FER: variants seen among roughly 807,000 people sequenced by gnomAD.
The protein encoded by FER is tyrosine-protein kinase Fer.
FER carries 63 observed loss-of-function variants against 111.0 expected under a neutral mutation model. That is an observed-to-expected ratio of 0.57 (90% CI 0.46 to 0.70). The LOEUF is 0.70. Ranked by LOEUF, FER falls within the 30% of genes least tolerant of loss-of-function variation. FER has a pLI of 0.00. For synonymous variants in FER, 327 were observed against 313.9 expected (o/e 1.04, Z -0.44); for missense variants, 914 against 954.0 (o/e 0.96, Z 0.55).
At chr5:109,067,701 A>G (rs188611400) in intron 16 of FER, among the ~76,000 whole-genome samples, 2 of 151,938 alleles carry the variant, frequency 1.3e-5, no homozygotes, top group Non-Finnish European at 2.9e-5. Flanking sequence ...TACATCTATG[A>G]TTTCTTTCTT....
Position 108,930,720 on chromosome 5 carries a change from T to A in FER, c.1237-15410T>A, listed in dbSNP as rs1034185043. Among the ~76,000 whole-genome samples the A allele has an allele frequency of 6.1e-5, 9 of 148,356 alleles. No homozygotes were observed. In the East Asian group the frequency reaches 1.6e-3, roughly 27 times the overall value. ...CCTCTGTCTCCTGAGTTCAAATGAT[T>A]CTCCTGCCTTAGCTTTCTGAGTAGC... is the stretch of plus-strand genomic sequence containing the variant. On this transcript the variant is annotated intron_variant, in intron 10 of 19. Transcript: ENST00000281092.
chr5:109,127,297 G>T (rs1343922394), intron 17 of FER, among the ~76,000 whole-genome samples: 2 of 152,160 alleles, frequency 1.3e-5, no homozygotes, highest in Non-Finnish European at 1.5e-5. Context: ...AAAGAGTTCA[G>T]AGTGTGTCTC....
Position 109,174,698 on chromosome 5 carries a change from G to A in FER, c.2049-6049G>A, listed in dbSNP as rs547495810. 2.0e-5 allele frequency among the ~76,000 whole-genome samples: 3 copies of A among 152,268 alleles called. No homozygotes were observed. The East Asian group carries it at 5.8e-4, about 29-fold the overall frequency. On this transcript the variant is annotated intron_variant, in intron 17 of 19. Transcript: ENST00000281092. ...AGGTTGTTTTGTTGTTTTTTAGGGGGCAGGGAGGGAGTCTGAAGTGTCACT... is the reference window on the plus strand; with the variant it reads ...AGGTTGTTTTGTTGTTTTTTAGGGGACAGGGAGGGAGTCTGAAGTGTCACT...
intron 16 of FER, among the ~76,000 whole-genome samples, chr5:109,088,829 C>T (rs1307972902): frequency 6.6e-6 from 1 of 151,972 alleles, no homozygotes; most frequent in Non-Finnish European, 1.5e-5. Context: ...ATTCATATAA[C>T]CCCAGATGGA....
intron 3 of FER, among the ~76,000 whole-genome samples, chr5:108,819,316 C>T (rs1166527599): frequency 2.6e-5 from 4 of 152,038 alleles, no homozygotes; most frequent in African/African-American, 9.7e-5. Context: ...GCATGTCCCA[C>T]TGCACCTGGC....
At chr5:109,081,314 G>A (rs1205675088) in intron 16 of FER, among the ~76,000 whole-genome samples, 1 of 152,020 alleles carries the variant, frequency 6.6e-6, no homozygotes, top group African/African-American at 2.4e-5. Flanking sequence ...TCTCTTTCCT[G>A]AAGTACTTGT....
chr5:108,885,138 C>T (rs1055900571), intron 9 of FER, among the ~76,000 whole-genome samples: 2 of 151,908 alleles, frequency 1.3e-5, no homozygotes, highest in Non-Finnish European at 2.9e-5. Flanking sequence ...CCATTTATTA[C>T]TCTCTCTCAG....
At chr5:109,153,624 T>A (rs1402026973) in intron 17 of FER, among the ~76,000 whole-genome samples, 3 of 151,926 alleles carry the variant, frequency 2.0e-5, no homozygotes, top group Non-Finnish European at 4.4e-5. Flanking sequence ...ACAGTAGTTA[T>A]CAACATTTAT....
intron 13 of FER, among the ~76,000 whole-genome samples, chr5:108,970,016 C>T: frequency 6.8e-6 from 1 of 147,624 alleles, no homozygotes; most frequent in East Asian, 1.9e-4. Flanking sequence ...TTTTGTAGAA[C>T]ACTATAGAGC....
chr5:108,964,163 A>G lies in FER; in HGVS notation c.1656+4816A>G, dbSNP rs563693567. ...ATTTACTTAGTACTCACTCTGTGCTATGTTCTTTATTATGTTAGAGCGAAT... is the reference window on the plus strand; with the variant it reads ...ATTTACTTAGTACTCACTCTGTGCTGTGTTCTTTATTATGTTAGAGCGAAT... On this transcript the variant is annotated intron_variant, in intron 13 of 19. Coordinates refer to ENST00000281092, the MANE Select transcript of FER (RefSeq NM_005246.4). Among the ~76,000 whole-genome samples the G allele has an allele frequency of 6.6e-5, 10 of 152,280 alleles. No homozygotes were observed. The East Asian group carries it at 1.4e-3, about 21-fold the overall frequency.
intron 10 of FER, among the ~76,000 whole-genome samples, chr5:108,937,126 G>A (rs550637066): frequency 1.1e-4 from 16 of 152,008 alleles, no homozygotes; most frequent in African/African-American, 3.9e-4. Context: ...AATAGCTCCT[G>A]TCTTGCTTAA....
chr5:108,810,253 A>G (rs1418794390), intron 3 of FER, among the ~76,000 whole-genome samples: 1 of 152,128 alleles, frequency 6.6e-6, no homozygotes, highest in Admixed American at 6.5e-5. Context: ...GCCAGTACAT[A>G]GCGCTTATAG....
intron 17 of FER, among the ~76,000 whole-genome samples, chr5:109,118,907 G>T (rs547779793): frequency 4.8e-4 from 72 of 149,550 alleles, no homozygotes; most frequent in Admixed American, 7.3e-4. Flanking sequence ...TTCTTTATTA[G>T]TCTTGCTAGC....
intron 10 of FER, among the ~76,000 whole-genome samples, chr5:108,903,804 A>G (rs1488817350): frequency 6.6e-6 from 1 of 152,220 alleles, no homozygotes; most frequent in African/African-American, 2.4e-5. Flanking sequence ...TTTCTTATTC[A>G]TAAAGGAAAA....
chr5:109,168,964 A>G (rs916295554), intron 17 of FER, among the ~76,000 whole-genome samples: 4 of 152,228 alleles, frequency 2.6e-5, no homozygotes, highest in African/African-American at 9.6e-5. Context: ...TCTTTCAGAC[A>G]CTTTTATGTA....
intron 3 of FER, among the ~76,000 whole-genome samples, chr5:108,802,669 G>A (rs1167918539): frequency 6.6e-6 from 1 of 151,958 alleles, no homozygotes; most frequent in African/African-American, 2.4e-5. Context: ...CTGCATACAT[G>A]TTGCTGCAAA....
intron 17 of FER, among the ~76,000 whole-genome samples, chr5:109,125,443 C>T (rs1156374102): frequency 6.6e-6 from 1 of 152,126 alleles, no homozygotes; most frequent in African/African-American, 2.4e-5. Context: ...TATATTCAAA[C>T]CTGTAAACAT....
chr5:108,977,938 T>C (rs72789341), intron 13 of FER, among the ~76,000 whole-genome samples: 19,278 of 152,128 alleles, frequency 0.13, 1,244 homozygotes, highest in Middle Eastern at 0.16. Flanking sequence ...CCCTGCCTCC[T>C]GGGCCCAAGC....
intron 13 of FER, among the ~76,000 whole-genome samples, chr5:109,029,788 A>G (rs926549645): frequency 6.6e-6 from 1 of 152,088 alleles, no homozygotes; most frequent in African/African-American, 2.4e-5. Context: ...TTTGATTATG[A>G]TGAATCTTGG....
Sources: allele counts gnomAD v4.1 joint callset (sites outside exome capture counted in the v4.1 genomes callset), GRCh38; gene constraint gnomAD v4.1.1; transcripts MANE v1.5; gene names NCBI Gene and HGNC (gene_info 2026-07-23, HGNC 2026-07-21).